Variants in RARB observed in about 807,000 individuals in gnomAD.
The protein encoded by RARB is HBV-activated protein.
In RARB, 17 loss-of-function variants were observed where a neutral mutation model predicts 51.9. The observed-to-expected ratio is 0.33, with a 90% confidence interval of 0.22 to 0.49. RARB has a LOEUF of 0.49. Ranked by LOEUF, RARB falls within the 20% of genes least tolerant of loss-of-function variation. The probability of loss-of-function intolerance (pLI) is 0.99; values close to 1 mark genes in which losing one functional copy is unlikely to be tolerated. For missense variants in RARB, 369 were observed against 550.8 expected (o/e 0.67, Z 3.30); for synonymous variants, 215 against 195.4 (o/e 1.10, Z -0.84).
At chr3:25,224,236 A>G (rs1157419722) in intron 5 of RARB, among the ~76,000 whole-genome samples, 1 of 152,232 alleles carries the variant, frequency 6.6e-6, no homozygotes, top group Non-Finnish European at 1.5e-5. Flanking sequence ...TTGAACTGAA[A>G]ACAAAAGATA....
intron 2 of RARB, among the ~76,000 whole-genome samples, chr3:24,910,985 T>C (rs958784867): frequency 6.6e-6 from 1 of 152,232 alleles, no homozygotes; most frequent in African/African-American, 2.4e-5. Context: ...TCAAGTTTTA[T>C]GCCTGTAACT....
chr3:25,443,319 C>G (rs1254985821), intron 1 of RARB, among the ~76,000 whole-genome samples: 4 of 152,026 alleles, frequency 2.6e-5, no homozygotes, highest in Non-Finnish European at 2.9e-5. Context: ...GAATATTTCC[C>G]TGGGCTACTG....
At chr3:24,928,306 G>C (rs1308072929) in intron 2 of RARB, among the ~76,000 whole-genome samples, 1 of 151,930 alleles carries the variant, frequency 6.6e-6, no homozygotes, top group Non-Finnish European at 1.5e-5. Context: ...TGTACCAAAA[G>C]TGTGATTCAT....
At chr3:25,245,799 G>A (rs972714223) in intron 5 of RARB, among the ~76,000 whole-genome samples, 2 of 151,842 alleles carry the variant, frequency 1.3e-5, no homozygotes, top group Non-Finnish European at 2.9e-5. Flanking sequence ...TGCTCTTCTC[G>A]AGGAGATACT....
At chr3:25,293,801 A>G (rs1703849346) in intron 5 of RARB, among the ~76,000 whole-genome samples, 1 of 152,058 alleles carries the variant, frequency 6.6e-6, no homozygotes, top group Non-Finnish European at 1.5e-5. Flanking sequence ...CAAAATGAAG[A>G]ACTGGTTCTG....
intron 5 of RARB, among the ~76,000 whole-genome samples, chr3:25,351,453 CATCTCATTT>C (rs1441794027): frequency 1.3e-5 from 2 of 152,026 alleles, no homozygotes; most frequent in African/African-American, 2.4e-5. Context: ...TATGTGCTTG[CATCTCATTT>C]GGTTACAGGT....
chr3:25,206,900 T>A (rs1701563488), intron 5 of RARB, among the ~76,000 whole-genome samples: 1 of 152,172 alleles, frequency 6.6e-6, no homozygotes, highest in African/African-American at 2.4e-5. Flanking sequence ...CAGTTGTCAG[T>A]CACAGGTGCA....
At chr3:25,180,337 TA>T (rs1329403783) in intron 5 of RARB, among the ~76,000 whole-genome samples, 14 of 152,334 alleles carry the variant, frequency 9.2e-5, no homozygotes, top group South Asian at 2.1e-4. Flanking sequence ...TGTAGACGTT[TA>T]AAAAGAGCAT....
At chr3:25,300,662 C>T (rs1419946924) in intron 5 of RARB, among the ~76,000 whole-genome samples, 2 of 152,180 alleles carry the variant, frequency 1.3e-5, no homozygotes, top group East Asian at 3.9e-4. Context: ...GTATCCCCAC[C>T]GTTTGAGTCA....
intron 1 of RARB, among the ~76,000 whole-genome samples, chr3:24,850,398 A>T (rs527958475): frequency 4.1e-4 from 63 of 152,276 alleles, no homozygotes; most frequent in African/African-American, 1.5e-3. Flanking sequence ...TTTAGCTTAC[A>T]TTTCATTGGC....
intron 2 of RARB, among the ~76,000 whole-genome samples, chr3:24,907,433 G>A (rs768786239): frequency 6.6e-6 from 1 of 152,148 alleles, no homozygotes; most frequent in Non-Finnish European, 1.5e-5. Flanking sequence ...AGAGCTAAAG[G>A]GATATAGGGA....
intron 1 of RARB, among the ~76,000 whole-genome samples, chr3:25,459,924 A>C (rs752291530): frequency 6.6e-6 from 1 of 152,208 alleles, no homozygotes; most frequent in Non-Finnish European, 1.5e-5. Context: ...CTGTGATAGA[A>C]GTACAGCCAG....
chr3:25,274,831 G>T (rs1037011265), intron 5 of RARB, among the ~76,000 whole-genome samples: 13 of 151,998 alleles, frequency 8.6e-5, no homozygotes, highest in African/African-American at 3.1e-4. Context: ...TAGGGCTCAG[G>T]GTCGGGACTG....
chr3:25,535,657 G>C (rs368227264), intron 3 of RARB, among the ~76,000 whole-genome samples: 1 of 152,022 alleles, frequency 6.6e-6, no homozygotes, highest in Non-Finnish European at 1.5e-5. Context: ...GAGAACATGC[G>C]GTGTTTGGCT....
At chr3:24,945,827 C>T (rs1695761431) in intron 2 of RARB, among the ~76,000 whole-genome samples, 1 of 152,180 alleles carries the variant, frequency 6.6e-6, no homozygotes. Context: ...ATCCACAGGG[C>T]TTAAGGATGG....
chr3:25,388,330 A>G (rs527387503), intron 5 of RARB, among the ~76,000 whole-genome samples: 2 of 152,336 alleles, frequency 1.3e-5, no homozygotes, highest in South Asian at 2.1e-4. Flanking sequence ...AATTTGTACC[A>G]TAGCTAATTA....
chr3:24,940,723 C>G (rs1695646551), intron 2 of RARB, among the ~76,000 whole-genome samples: 1 of 152,148 alleles, frequency 6.6e-6, no homozygotes, highest in Non-Finnish European at 1.5e-5. Context: ...TCCCATTCTG[C>G]TGCTTGGCAG....
intron 5 of RARB, among the ~76,000 whole-genome samples, chr3:25,280,647 C>T (rs371292242): frequency 6.6e-5 from 10 of 152,280 alleles, no homozygotes; most frequent in South Asian, 2.1e-4. Flanking sequence ...ACAGATGTTA[C>T]GTCAACGTTT....
At chr3:24,898,458 T>A (rs2125369538) in intron 2 of RARB, among the ~76,000 whole-genome samples, 1 of 152,016 alleles carries the variant, frequency 6.6e-6, no homozygotes, top group South Asian at 2.1e-4. Flanking sequence ...ACTTTAATAT[T>A]TGTTACATGA....
Sources: gnomAD v4.1 joint callset for allele counts (sites outside exome capture counted in the v4.1 genomes callset) on GRCh38, gnomAD v4.1.1 for gene constraint, MANE v1.5 for transcripts, NCBI Gene and HGNC (gene_info 2026-07-23, HGNC 2026-07-21) for gene names.